The following CHEK2 variants were observed in gnomAD, a reference collection of about 807,000 sequenced individuals.
CHEK2 encodes serine/threonine-protein kinase Chk2.
Under a neutral mutation model 69.1 loss-of-function variants are expected in CHEK2, and 71 were observed. The observed-to-expected ratio is 1.03, with a 90% CI of 0.85 to 1.25. CHEK2 has a LOEUF of 1.25. Among genes scored for constraint, CHEK2 ranks in the 50% most tolerant of loss-of-function variants. The pLI is 0.00. For missense variants in CHEK2, 664 were observed against 649.6 expected (o/e 1.02, Z -0.24); for synonymous variants, 189 against 226.9 (o/e 0.83, Z 1.50).
chr22:28,695,273 A>C (rs765916432), intron 11 of CHEK2, 31 bp from the exon 12 acceptor site: 2 of 1,237,912 alleles, frequency 1.6e-6, no homozygotes, highest in African/African-American at 3.0e-5. Flanking sequence ...AAAGGAAAAG[A>C]AATCAAGTGG....
rs775167943 is a variant in CHEK2 at position 28,724,990 on chromosome 22, TAG to T, written c.577_578del (p.Leu193LysfsTer4). The T allele has an allele frequency of 6.2e-7, 1 of 1,614,126 alleles. No individual in the cohort carries two copies. The highest frequency in any genetic ancestry group is 1.7e-5 in the Admixed American group (1 of 60,000). On this transcript the variant is annotated frameshift_variant, in exon 4 of 15. Coordinates refer to ENST00000404276, the MANE Select transcript of CHEK2 (RefSeq NM_007194.4). LOFTEE classifies it high-confidence loss of function. ...LNNNSEIALS[L>X]SRNKVFVFFD... The stretch of plus-strand genomic sequence containing the variant: ...TAATAATATTACCTTTATTTCTGCT[TAG>T]TGACAGTGCAATTTCAGAATTGTTA...
intron 5 of CHEK2, among the ~76,000 whole-genome samples, chr22:28,714,685 G>A (rs1179204923): frequency 6.6e-6 from 1 of 151,924 alleles, no homozygotes; most frequent in Non-Finnish European, 1.5e-5. Context: ...TGTGCTTTTG[G>A]TGTCTTATGT....
At chr22:28,721,567 G>A (rs959203305) in intron 4 of CHEK2, 14 of 447,988 alleles carry the variant, frequency 3.1e-5, no homozygotes, top group African/African-American at 2.5e-4. Context: ...GATTAAAGAC[G>A]TGAGCCACCG....
chr22:28,723,942 G>C (rs1025315349), intron 4 of CHEK2, among the ~76,000 whole-genome samples: 3 of 150,776 alleles, frequency 2.0e-5, no homozygotes, highest in Non-Finnish European at 4.4e-5. Context: ...TCTCGAAAAA[G>C]AAAGAAAGAA....
At chr22:28,723,867 T>A (rs943535098) in intron 4 of CHEK2, among the ~76,000 whole-genome samples, 2 of 151,956 alleles carry the variant, frequency 1.3e-5, no homozygotes, top group African/African-American at 4.8e-5. Context: ...GAGGATCACT[T>A]GAGCCTGGGA....
chr22:28,696,453 A>C (rs1456015013), intron 10 of CHEK2, among the ~76,000 whole-genome samples: 1 of 152,190 alleles, frequency 6.6e-6, no homozygotes. Context: ...AGCTCACTGC[A>C]ACTTCTGCCT....
chr22:28,734,669 C>T lies in CHEK2; in HGVS notation c.53G>A (p.Cys18Tyr), dbSNP rs151218932. Residue 18 changes from cysteine (C) to tyrosine (Y), a missense_variant, in exon 2 of 15, where the codon TGT (cysteine) becomes TAT (tyrosine). By Grantham distance (194) the Cys-to-Tyr change is radical. Coordinates refer to ENST00000404276, the MANE Select transcript of CHEK2 (RefSeq NM_007194.4). ...EAQQSHGSSA[C>Y]SQPHGSVTQS... ...GGTAACGCTGCCATGGGGCTGTGAA[C>T]AGGCACTGCTGCCATGAGACTGCTG... 1 of 1,613,878 alleles carries T rather than the reference C, an allele frequency of 6.2e-7. No individual in the cohort carries two copies. Among genetic ancestry groups the T allele is most frequent in the East Asian group, 2.2e-5 (1 of 44,886 alleles).
rs869312549 is a variant in CHEK2, at chr22:28,700,027, G to A, written c.909-90C>T. The A allele has an allele frequency of 6.0e-6, 5 of 838,070 alleles. No individual in the cohort carries two copies. Among genetic ancestry groups the A allele is most frequent in the Non-Finnish European group, 9.9e-6 (5 of 506,308 alleles). The allele number at this position is 838,070 out of a possible 1,614,324, so 51.9% of individuals were successfully genotyped here. On this transcript the variant is annotated intron_variant, in intron 8 of 14. Transcript: ENST00000404276. ...TAAAACAACAAAACAAATTCATTAA[G>A]ACAAGCAAACAGTTGACATTTTTAT...
chr22:28,719,348 A>T (rs1480914295), intron 5 of CHEK2, 47 bp downstream of exon 5: 1 of 1,019,320 alleles, frequency 9.8e-7, no homozygotes, highest in East Asian at 2.6e-5. Flanking sequence ...CCAATCACAA[A>T]TGTATAGTGA....
At chr22:28,708,498 G>A (rs2053255309) in intron 7 of CHEK2, among the ~76,000 whole-genome samples, 3 of 151,732 alleles carry the variant, frequency 2.0e-5, no homozygotes, top group African/African-American at 4.8e-5. Flanking sequence ...AAGCAGGAAG[G>A]TCAGCCACTC....
chr22:28,741,802 C>A lies in CHEK2; in HGVS notation c.-40G>T, dbSNP rs142541707. 6.0e-4 allele frequency: 307 copies of A among 510,408 alleles called. 2 individuals are homozygous for A. Among genetic ancestry groups the A allele is most frequent in the African/African-American group, 5.3e-3 (276 of 52,216 alleles). The allele number at this position is 510,408 out of a possible 1,614,324, so 31.6% of individuals were successfully genotyped here. A position where few individuals can be genotyped will look rare whatever the true frequency, so the allele number is the denominator to read the frequency against. The stretch of plus-strand genomic sequence containing the variant: ...CCCACCTGGAGCCGCACACTCTCCG[C>A]AGCCTCAGCCAGCAGAGTGGCGCTA... On this transcript the variant is annotated 5_prime_UTR_variant, in exon 1 of 15. Coordinates refer to ENST00000404276, the MANE Select transcript of CHEK2 (RefSeq NM_007194.4).
At chr22:28,704,498 A>G (rs768592863) in intron 7 of CHEK2, among the ~76,000 whole-genome samples, 2 of 151,860 alleles carry the variant, frequency 1.3e-5, no homozygotes, top group Non-Finnish European at 2.9e-5. Flanking sequence ...ACACCCAGCT[A>G]ATTTTTGTAT....
intron 4 of CHEK2, among the ~76,000 whole-genome samples, chr22:28,723,260 G>A (rs1163071000): frequency 1.3e-5 from 2 of 152,130 alleles, no homozygotes; most frequent in African/African-American, 2.4e-5. Context: ...GCTCTAAAGT[G>A]AGCCTCTTAC....
chr22:28,730,482 G>A (rs1250406298), intron 2 of CHEK2: 3 of 699,768 alleles, frequency 4.3e-6, no homozygotes, highest in Non-Finnish European at 7.8e-6. Context: ...TTGGGAGGCT[G>A]AGGCAGGAGG....
intron 7 of CHEK2, among the ~76,000 whole-genome samples, chr22:28,705,078 CTT>C (rs71866422): frequency 7.2e-4 from 97 of 134,974 alleles, no homozygotes; most frequent in African/African-American, 1.2e-3. Context: ...AAATCCAAAT[CTT>C]TTTTTTTTTT....
chr22:28,740,803 A>G (rs2054533103), intron 1 of CHEK2, among the ~76,000 whole-genome samples: 1 of 152,180 alleles, frequency 6.6e-6, no homozygotes, highest in African/African-American at 2.4e-5. Context: ...CACATACACC[A>G]CTGGTGGGAA....
intron 2 of CHEK2, among the ~76,000 whole-genome samples, chr22:28,730,000 C>T (rs866779460): frequency 9.3e-5 from 14 of 151,040 alleles, no homozygotes; most frequent in Admixed American, 8.0e-4. Context: ...CCACCACGCC[C>T]GGCTAATTTT....
rs562206743 is a variant in CHEK2, at chr22:28,687,855, A to G, written c.*42T>C. 5.8e-6 allele frequency: 8 copies of G among 1,373,034 alleles called. No individual in the cohort carries two copies. In the African/African-American group the frequency reaches 1.1e-4, roughly 19 times the overall value. 85.1% of individuals were successfully genotyped at this position (1,373,034 alleles called of 1,614,324 possible). A position where few individuals can be genotyped will look rare whatever the true frequency, so the allele number is the denominator to read the frequency against. On this transcript the variant is annotated 3_prime_UTR_variant, in exon 15 of 15. Coordinates refer to ENST00000404276, the MANE Select transcript of CHEK2 (RefSeq NM_007194.4). ...GACTCAAAGAAAAGAAAGATGACAG[A>G]GTGAAAGAAGGTACATTTCTTTCGT...
At chr22:28,740,411 C>A (rs1279918486) in intron 1 of CHEK2, among the ~76,000 whole-genome samples, 1 of 152,200 alleles carries the variant, frequency 6.6e-6, no homozygotes, top group Non-Finnish European at 1.5e-5. Flanking sequence ...CCTTACAAGA[C>A]ACTGACACCC....
Sources: gnomAD v4.1 joint callset for allele counts (sites outside exome capture counted in the v4.1 genomes callset) on GRCh38, gnomAD v4.1.1 for gene constraint, MANE v1.5 for transcripts, NCBI Gene and HGNC (gene_info 2026-07-23, HGNC 2026-07-21) for gene names.